KCNC2: variants seen among roughly 807,000 people sequenced by gnomAD.
The protein encoded by KCNC2 is potassium voltage-gated channel subfamily C member 2, also known as voltage-gated potassium channel KCNC2.
KCNC2 carries 21 observed loss-of-function variants against 44.5 expected under a neutral mutation model. The observed-to-expected ratio is 0.47, with a 90% confidence interval of 0.33 to 0.68. KCNC2 has a LOEUF of 0.68. KCNC2 is among the 30% of genes least tolerant of loss of function. The pLI, the probability that KCNC2 is intolerant of heterozygous loss-of-function variation, is 0.01. For synonymous variants in KCNC2, 391 were observed against 339.1 expected, an observed-to-expected ratio of 1.15 and a Z score of -1.68; for missense variants, 589 against 826.2, an observed-to-expected ratio of 0.71 and a Z score of 3.52.
intron 2 of KCNC2, among the ~76,000 whole-genome samples, chr12:75,142,507 A>G (rs1361264335): frequency 1.3e-5 from 2 of 152,198 alleles, no homozygotes; most frequent in African/African-American, 4.8e-5. Flanking sequence ...AACTGCCTGC[A>G]AGACTTAGTG....
intron 2 of KCNC2, among the ~76,000 whole-genome samples, chr12:75,127,570 C>T (rs1221178279): frequency 1.3e-5 from 2 of 152,116 alleles, no homozygotes; most frequent in African/African-American, 4.8e-5. Flanking sequence ...CAAATAAAGG[C>T]ATTGACCTTA....
chr12:75,146,335 C>T (rs1323230425), intron 2 of KCNC2, among the ~76,000 whole-genome samples: 1 of 152,032 alleles, frequency 6.6e-6, no homozygotes, highest in African/African-American at 2.4e-5. Context: ...GATATACTCA[C>T]CAATAAAAGA....
intron 2 of KCNC2, among the ~76,000 whole-genome samples, chr12:75,107,130 C>G (rs766775690): frequency 7.2e-5 from 11 of 152,106 alleles, no homozygotes; most frequent in Non-Finnish European, 1.6e-4. Context: ...TGGTGAAACC[C>G]TGTCTCTACT....
At chr12:75,200,286 C>G (rs983891032) in intron 2 of KCNC2, among the ~76,000 whole-genome samples, 6 of 151,778 alleles carry the variant, frequency 4.0e-5, no homozygotes, top group Non-Finnish European at 7.4e-5. Context: ...CTGCCATTGT[C>G]GTTAACTTAT....
chr12:75,054,514 G>A (rs772816254), intron 2 of KCNC2, among the ~76,000 whole-genome samples: 3 of 152,058 alleles, frequency 2.0e-5, no homozygotes, highest in Non-Finnish European at 4.4e-5. Context: ...AATAACAATG[G>A]AGAATATTAA....
intron 2 of KCNC2, among the ~76,000 whole-genome samples, chr12:75,110,407 G>A (rs1160234548): frequency 1.3e-5 from 2 of 152,150 alleles, no homozygotes; most frequent in South Asian, 4.1e-4. Context: ...GAGGACTGTA[G>A]TCAAGAACCC....
At chr12:75,066,323 C>G (rs138711607) in intron 2 of KCNC2, among the ~76,000 whole-genome samples, 8 of 152,156 alleles carry the variant, frequency 5.3e-5, no homozygotes, top group African/African-American at 1.9e-4. Flanking sequence ...CTCCTTGCAG[C>G]ATTGGAAGTA....
chr12:75,204,693 T>C (rs958392909), intron 2 of KCNC2, among the ~76,000 whole-genome samples: 4 of 152,168 alleles, frequency 2.6e-5, no homozygotes, highest in African/African-American at 9.6e-5. Context: ...TTTCAACTTG[T>C]GGCCTCCACA....
chr12:75,069,204 G>A (rs555973356), intron 2 of KCNC2, among the ~76,000 whole-genome samples: 4 of 124,398 alleles, frequency 3.2e-5, no homozygotes, highest in South Asian at 5.3e-4. Context: ...ACGTGATCTC[G>A]GCTCACCGCA....
chr12:75,066,671 C>T (rs1488227891), intron 2 of KCNC2, among the ~76,000 whole-genome samples: 2 of 152,076 alleles, frequency 1.3e-5, no homozygotes, highest in African/African-American at 4.8e-5. Context: ...TTCAAGAGAT[C>T]CAATACACTT....
intron 2 of KCNC2, among the ~76,000 whole-genome samples, chr12:75,155,267 G>A (rs1349085493): frequency 1.3e-5 from 2 of 151,878 alleles, no homozygotes; most frequent in Admixed American, 6.6e-5. Context: ...CATGATGCCT[G>A]TGATGAATTC....
At chr12:75,162,157 T>C (rs1891162280) in intron 2 of KCNC2, among the ~76,000 whole-genome samples, 1 of 151,796 alleles carries the variant, frequency 6.6e-6, no homozygotes. Context: ...CATTTCTGTA[T>C]GGCAAGTCTT....
In KCNC2 at chr12:75,042,722, G is replaced by A. The variant is rs913835002; in HGVS notation, c.*383C>T. On this transcript the variant is annotated 3_prime_UTR_variant, in exon 5 of 5. Coordinates refer to ENST00000549446, the MANE Select transcript of KCNC2 (RefSeq NM_139137.4). ...CAAGATAGGATCCCAGACATCTTCA[G>A]AATGGTTTACAGTCACAAGAAATAA... 1.7e-6 allele frequency: 2 copies of A among 1,164,002 alleles called. No individual in the cohort carries two copies. The highest frequency in any genetic ancestry group is 1.1e-6 in the Non-Finnish European group (1 of 942,490). 72.1% of individuals were successfully genotyped at this position (1,164,002 alleles called of 1,614,324 possible).
chr12:75,090,818 C>G (rs1038596951), intron 2 of KCNC2, among the ~76,000 whole-genome samples: 2 of 151,724 alleles, frequency 1.3e-5, no homozygotes, highest in East Asian at 3.9e-4. Flanking sequence ...TCATTTGACT[C>G]TAGCCTCCAA....
intron 2 of KCNC2, among the ~76,000 whole-genome samples, chr12:75,061,980 T>A (rs1163939276): frequency 6.6e-6 from 1 of 152,054 alleles, no homozygotes; most frequent in Non-Finnish European, 1.5e-5. Flanking sequence ...CCAGTAGCAA[T>A]GCTACCTTTG....
chr12:75,047,079 T>A (rs1880609042), intron 4 of KCNC2, among the ~76,000 whole-genome samples: 1 of 151,576 alleles, frequency 6.6e-6, no homozygotes, highest in African/African-American at 2.4e-5. Context: ...ATGAAAGTTT[T>A]AAAGTGGATT....
intron 2 of KCNC2, among the ~76,000 whole-genome samples, chr12:75,102,104 A>G (rs1010894382): frequency 1.3e-5 from 2 of 152,066 alleles, no homozygotes; most frequent in Non-Finnish European, 2.9e-5. Context: ...ATCAGTGGAG[A>G]GTGTATGAAA....
chr12:75,118,296 C>T (rs568253933), intron 2 of KCNC2, among the ~76,000 whole-genome samples: 47 of 152,024 alleles, frequency 3.1e-4, no homozygotes, highest in African/African-American at 1.1e-3. Flanking sequence ...AATACATGCA[C>T]GATACTACAG....
chr12:75,188,730 C>T (rs1008547644), intron 2 of KCNC2, among the ~76,000 whole-genome samples: 7 of 151,304 alleles, frequency 4.6e-5, no homozygotes, highest in East Asian at 2.0e-4. Flanking sequence ...CATGGTGGTG[C>T]GTGCCTGTAA....
Sources: gnomAD v4.1 joint callset for allele counts (sites outside exome capture counted in the v4.1 genomes callset) on GRCh38, gnomAD v4.1.1 for gene constraint, MANE v1.5 for transcripts, NCBI Gene and HGNC (gene_info 2026-07-23, HGNC 2026-07-21) for gene names.